Variants in ECE1 observed in about 807,000 individuals in gnomAD.
The protein encoded by ECE1 is endothelin converting enzyme 1.
In ECE1, 35 loss-of-function variants were observed where a neutral mutation model predicts 98.6. The ratio of observed to expected loss-of-function variants is 0.35; its 90% confidence interval spans 0.27 to 0.47. The LOEUF (loss-of-function observed/expected upper bound fraction) is 0.47, where lower values mean the gene tolerates loss of function less well. Ranked by LOEUF, ECE1 falls within the 20% of genes least tolerant of loss-of-function variation. The pLI, the probability that ECE1 is intolerant of heterozygous loss-of-function variation, is 1.00. For missense variants in ECE1, 814 were observed against 1,025.3 expected, an observed-to-expected ratio of 0.79 and a Z score of 2.81; for synonymous variants, 394 against 407.1, an observed-to-expected ratio of 0.97 and a Z score of 0.39.
At chr1:21,342,618 A>G (rs1334322018) in intron 1 of ECE1, among the ~76,000 whole-genome samples, 1 of 125,182 alleles carries the variant, frequency 8.0e-6, no homozygotes, top group Non-Finnish European at 1.5e-5. Flanking sequence ...ACACACACAC[A>G]CACACACACA....
chr1:21,328,277 T>C (rs928909664), intron 1 of ECE1, among the ~76,000 whole-genome samples: 3 of 152,240 alleles, frequency 2.0e-5, no homozygotes, highest in African/African-American at 7.2e-5. Flanking sequence ...CAGGGATGGC[T>C]CCTCTGACAT....
At chr1:21,339,179 A>G (rs1052347549) in intron 1 of ECE1, among the ~76,000 whole-genome samples, 1 of 152,156 alleles carries the variant, frequency 6.6e-6, no homozygotes, top group Non-Finnish European at 1.5e-5. Context: ...TTCAAGTTCT[A>G]GTTCTGCTAC....
rs1263522980 is a variant in ECE1 at position 21,260,353 on chromosome 1, G to A, written c.533C>T (p.Ala178Val). ...TASVSEAERK[A>V]QVYYRACMNE... is the part of the protein sequence containing the mutation. Reference sequence around the variant, plus strand: ...CATGCACGCACGGTAGTATACTTGCGCCTTTCTCTCTGCCTCGCTCACGCT... The same window carrying A: ...CATGCACGCACGGTAGTATACTTGCACCTTTCTCTCTGCCTCGCTCACGCT... The change falls in exon 5 of 19, where the codon GCG (alanine) becomes GTG (valine). Residue 178 changes from alanine (A) to valine (V), a missense_variant. Ala to Val is a moderately conservative substitution (Grantham distance 64, BLOSUM62 0). Transcript: ENST00000374893. This position sits in a 1 kb window ranked among gnomAD's most constrained non-coding sequence, Gnocchi z 4.3. 9 of 1,614,124 alleles carry A rather than the reference G, an allele frequency of 5.6e-6. No homozygotes were observed. The highest frequency in any genetic ancestry group is 1.7e-5 in the Admixed American group (1 of 60,010).
chr1:21,271,228 T>C (rs2098239855), intron 4 of ECE1, among the ~76,000 whole-genome samples: 1 of 151,732 alleles, frequency 6.6e-6, no homozygotes, highest in African/African-American at 2.4e-5. Context: ...GGAGAAAGGG[T>C]GGGTGTGTTT....
chr1:21,236,855 A>G lies in ECE1; in HGVS notation c.1390-11T>C. 6.2e-7 allele frequency: 1 copy of G among 1,607,654 alleles called. No individual in the cohort carries two copies. Among genetic ancestry groups the G allele is most frequent in the Non-Finnish European group, 8.5e-7 (1 of 1,177,212 alleles). Reference sequence around the variant, plus strand: ...GATGATCTCGGTGGCCTGAGGAGATACACATCACAGCAGTAAGGTCTGCGC... The same window carrying G: ...GATGATCTCGGTGGCCTGAGGAGATGCACATCACAGCAGTAAGGTCTGCGC... On this transcript the variant is annotated splice_polypyrimidine_tract_variant and intron_variant, in intron 11 of 18. Transcript: ENST00000374893.
intron 1 of ECE1, among the ~76,000 whole-genome samples, chr1:21,313,540 G>A (rs1638771261): frequency 6.6e-6 from 1 of 152,156 alleles, no homozygotes; most frequent in African/African-American, 2.4e-5. Flanking sequence ...GAACTAGGGA[G>A]AGGAATACAT....
rs746751018 is a variant in ECE1 at position 21,235,809 on chromosome 1, G to T, written c.1566+41C>A. 5.7e-5 allele frequency: 92 copies of T among 1,601,660 alleles called. No homozygotes were observed. The highest frequency in any genetic ancestry group is 1.3e-5 in the Non-Finnish European group (15 of 1,168,824). On this transcript the variant is annotated intron_variant, in intron 13 of 18. Coordinates refer to ENST00000374893, the MANE Select transcript of ECE1 (RefSeq NM_001397.3). The surrounding 1 kb of genome is among the most constrained non-coding windows in gnomAD (Gnocchi z 4.2). The stretch of plus-strand genomic sequence containing the variant: ...CCCTGCCTCGGCCCTTTTCTAAGGG[G>T]GCATTTAGGAACGCAAGGGGGCAGG...
At chr1:21,321,989 G>A (rs1405081801) in intron 1 of ECE1, among the ~76,000 whole-genome samples, 1 of 152,158 alleles carries the variant, frequency 6.6e-6, no homozygotes, top group African/African-American at 2.4e-5. Context: ...AAGACCGCTT[G>A]GAAGGGGCCA....
chr1:21,260,453 G>A lies in ECE1; in HGVS notation c.494-61C>T. The A allele has an allele frequency of 6.2e-7, 1 of 1,605,556 alleles. No individual in the cohort carries two copies. Among genetic ancestry groups the A allele is most frequent in the South Asian group, 1.1e-5 (1 of 90,892 alleles). On this transcript the variant is annotated intron_variant, in intron 4 of 18. Transcript: ENST00000374893. The surrounding 1 kb of genome is among the most constrained non-coding windows in gnomAD (Gnocchi z 4.3). ...CCACTTGCCCACTGGGTGGCTTTGG[G>A]GCAGTCCCTCTTTTCGGAGCCTTGG... is the stretch of plus-strand genomic sequence containing the variant.
At chr1:21,329,327 G>A (rs539500425) in intron 1 of ECE1, among the ~76,000 whole-genome samples, 88 of 152,266 alleles carry the variant, frequency 5.8e-4, no homozygotes, top group African/African-American at 2.0e-3. Flanking sequence ...GCTTGCTACC[G>A]CCGACTTGCA....
intron 1 of ECE1, among the ~76,000 whole-genome samples, chr1:21,334,960 T>C (rs1002159891): frequency 1.3e-5 from 2 of 151,814 alleles, no homozygotes; most frequent in Non-Finnish European, 2.9e-5. Context: ...CAGTCGCCCC[T>C]CAACGTGGGG....
At chr1:21,271,785 T>G (rs1332938402) in intron 4 of ECE1, among the ~76,000 whole-genome samples, 1 of 152,102 alleles carries the variant, frequency 6.6e-6, no homozygotes. Flanking sequence ...AGGGGTGAAC[T>G]AGAGGTGCCC....
intron 14 of ECE1, among the ~76,000 whole-genome samples, chr1:21,229,868 C>T (rs1195430002): frequency 6.6e-6 from 1 of 152,112 alleles, no homozygotes; most frequent in Non-Finnish European, 1.5e-5. Context: ...TTTAGTGTAA[C>T]AGAGTATGAA....
chr1:21,318,077 C>T (rs995327868), intron 1 of ECE1, among the ~76,000 whole-genome samples: 15 of 152,234 alleles, frequency 9.9e-5, no homozygotes, highest in African/African-American at 2.2e-4. Flanking sequence ...GCTGCTGTGA[C>T]GGTTAAACGA....
intron 12 of ECE1, among the ~76,000 whole-genome samples, chr1:21,236,262 A>C (rs1171978930): frequency 6.6e-6 from 1 of 152,246 alleles, no homozygotes; most frequent in Non-Finnish European, 1.5e-5. Context: ...ACAGACATCC[A>C]AGCAATCATG....
intron 2 of ECE1, among the ~76,000 whole-genome samples, chr1:21,282,759 G>A (rs2098256291): frequency 6.6e-6 from 1 of 151,974 alleles, no homozygotes; most frequent in African/African-American, 2.4e-5. Flanking sequence ...CTAAGAGCAA[G>A]GAGCAAAGCC....
rs1313883650 is a variant in ECE1, at chr1:21,290,019, A to C, written c.138+51T>G. The C allele has an allele frequency of 5.7e-6, 6 of 1,053,140 alleles. No homozygotes were observed. The highest frequency in any genetic ancestry group is 7.0e-6 in the Non-Finnish European group (6 of 857,416). 65.2% of individuals were successfully genotyped at this position (1,053,140 alleles called of 1,614,324 possible). Reference sequence around the variant, plus strand: ...GGGGGGCGCGGCAGCGGCAGCGCGCATGCCCGGGCCCGGGGCGCCTGGACC... The same window carrying C: ...GGGGGGCGCGGCAGCGGCAGCGCGCCTGCCCGGGCCCGGGGCGCCTGGACC... On this transcript the variant is annotated intron_variant, in intron 2 of 18. Transcript: ENST00000374893. The surrounding 1 kb of genome is among the most constrained non-coding windows in gnomAD (Gnocchi z 7.3).
chr1:21,304,517 C>T (rs1638556338), intron 1 of ECE1, among the ~76,000 whole-genome samples: 1 of 152,000 alleles, frequency 6.6e-6, no homozygotes, highest in Admixed American at 6.6e-5. Flanking sequence ...AATGTTGTTT[C>T]TTACTTTTAA....
In ECE1 at chr1:21,246,514, AG is replaced by A. The variant is rs202207316; in HGVS notation, c.1163+706del. 7.8e-3 allele frequency among the ~76,000 whole-genome samples: 1,131 copies of A among 145,056 alleles called. 34 individuals carry two copies. Among genetic ancestry groups the A allele is most frequent in the African/African-American group, 0.028 (1,072 of 38,238 alleles). ...ACTCCATCTCAAAAAAAAAAAAAAAAGAAAAGAAAAGAAAGAAAATCGTAAG... is the reference window on the plus strand; with the variant it reads ...ACTCCATCTCAAAAAAAAAAAAAAAAAAAAGAAAAGAAAGAAAATCGTAAG... On this transcript the variant is annotated intron_variant, in intron 9 of 18. Coordinates refer to ENST00000374893, the MANE Select transcript of ECE1 (RefSeq NM_001397.3).
Sources: allele counts gnomAD v4.1 joint callset (sites outside exome capture counted in the v4.1 genomes callset), GRCh38; gene constraint gnomAD v4.1.1; non-coding constraint Gnocchi (gnomAD v3.1); transcripts MANE v1.5; gene names NCBI Gene and HGNC (gene_info 2026-07-23, HGNC 2026-07-21).